Variants in RCC1 observed in about 807,000 individuals in gnomAD.
RCC1 encodes regulator of chromosome condensation.
RCC1 carries 11 observed loss-of-function variants against 44.4 expected under a neutral mutation model. The ratio of observed to expected loss-of-function variants is 0.25; its 90% CI spans 0.16 to 0.41. RCC1 has a LOEUF of 0.41. RCC1 is among the 10% of genes least tolerant of loss of function. The pLI is 1.00. For synonymous variants in RCC1, 213 were observed against 216.5 expected (o/e 0.98, Z 0.14); for missense variants, 386 against 547.1 (o/e 0.71, Z 2.94).
intron 7 of RCC1, among the ~76,000 whole-genome samples, chr1:28,533,458 G>A (rs1209431551): frequency 1.6e-4 from 21 of 133,696 alleles, no homozygotes; most frequent in African/African-American, 5.7e-4. Flanking sequence ...GGGACAGAGC[G>A]AGACTCCATC....
In RCC1 at chr1:28,536,257, C is replaced by A; in HGVS notation, c.818-5C>A. 6.2e-7 allele frequency: 1 copy of A among 1,613,722 alleles called. No individual in the cohort carries two copies. Among genetic ancestry groups the A allele is most frequent in the Non-Finnish European group, 8.5e-7 (1 of 1,179,794 alleles). ...CACCCCTGATGGCTCCGGCCTTTCC[C>A]CCAGGAACTCCGGGCACAGAATCTT... On this transcript the variant is annotated splice_region_variant and splice_polypyrimidine_tract_variant and intron_variant, in intron 10 of 12. Transcript: ENST00000683442. This position sits in a 1 kb window ranked among gnomAD's most constrained non-coding sequence, Gnocchi z 4.9.
chr1:28,507,186 T>G (rs1310071334), intron 1 of RCC1: 6 of 360,658 alleles, frequency 1.7e-5, no homozygotes, highest in Non-Finnish European at 2.8e-5. Flanking sequence ...AACCGCCTAT[T>G]GTAAAGTAAT....
intron 4 of RCC1, chr1:28,527,024 G>A (rs961981176): frequency 4.4e-5 from 36 of 819,880 alleles, no homozygotes; most frequent in Admixed American, 3.2e-4. Flanking sequence ...AAAATAGGGC[G>A]CATGCTGGGT....
intron 5 of RCC1, chr1:28,530,751 G>A (rs1403664579): frequency 1.7e-5 from 11 of 632,346 alleles, no homozygotes; most frequent in Admixed American, 3.2e-5. Context: ...CCCACAGAGA[G>A]CCCCGGGCGC....
chr1:28,511,917 G>C (rs1257379734), intron 3 of RCC1, among the ~76,000 whole-genome samples: 1 of 150,880 alleles, frequency 6.6e-6, no homozygotes, highest in Non-Finnish European at 1.5e-5. Context: ...ACCTGCCTCA[G>C]CATCCCAAAG....
At position 28,536,162 on chromosome 1, in the gene RCC1, T is replaced by C. The variant is rs1490750258; in HGVS notation, c.818-100T>C. The C allele has an allele frequency of 2.6e-6, 4 of 1,548,732 alleles. No individual in the cohort carries two copies. The highest frequency in any genetic ancestry group is 3.8e-5 in the Admixed American group (2 of 52,688). ...AGTTTTGTCATCTGTAAAGTGAGAA[T>C]GTCCATATCCTGATGGGAGGTGGCC... On this transcript the variant is annotated intron_variant, in intron 10 of 12. Coordinates refer to ENST00000683442, the MANE Select transcript of RCC1 (RefSeq NM_001381865.2). This position sits in a 1 kb window ranked among gnomAD's most constrained non-coding sequence, Gnocchi z 4.9.
At chr1:28,523,561 A>G (rs1260852880) in intron 4 of RCC1, among the ~76,000 whole-genome samples, 2 of 152,146 alleles carry the variant, frequency 1.3e-5, no homozygotes, top group Non-Finnish European at 2.9e-5. Context: ...TTTTTTGGTT[A>G]ATGCCCCATG....
intron 4 of RCC1, among the ~76,000 whole-genome samples, chr1:28,521,885 T>TC (rs1315158333): frequency 6.6e-6 from 1 of 152,222 alleles, no homozygotes; most frequent in Non-Finnish European, 1.5e-5. Context: ...TCAGAATCAG[T>TC]CAGATAGGCC....
Position 28,537,472 on chromosome 1 carries a change from T to C in RCC1, c.1091-360T>C, listed in dbSNP as rs1664625234. 2.0e-5 allele frequency among the ~76,000 whole-genome samples: 3 copies of C among 152,274 alleles called. No individual in the cohort carries two copies. In the South Asian group the frequency reaches 6.2e-4, roughly 32 times the overall value. ...CTTCCTCAGGAAGTGGGGCTTGCACTGTACCTTGAAGGTTCCATTCCTTGT... is the reference window on the plus strand; with the variant it reads ...CTTCCTCAGGAAGTGGGGCTTGCACCGTACCTTGAAGGTTCCATTCCTTGT... On this transcript the variant is annotated intron_variant, in intron 12 of 12. Coordinates refer to ENST00000683442, the MANE Select transcript of RCC1 (RefSeq NM_001381865.2).
chr1:28,530,654 C>T, intron 5 of RCC1: 1 of 1,535,460 alleles, frequency 6.5e-7, no homozygotes, highest in Non-Finnish European at 8.8e-7. Flanking sequence ...GCTGCCAGCG[C>T]GGGCTCCTCA....
At chr1:28,531,659 C>A (rs1210283423) in intron 5 of RCC1, 144 bp from the exon 6 acceptor site, 1 of 552,060 alleles carries the variant, frequency 1.8e-6, no homozygotes, top group Non-Finnish European at 2.9e-6. Flanking sequence ...CCCCATTTCA[C>A]AGATGACAAA....
At chr1:28,534,526 C>G (rs1396303723) in intron 7 of RCC1, among the ~76,000 whole-genome samples, 2 of 152,138 alleles carry the variant, frequency 1.3e-5, no homozygotes, top group Admixed American at 6.6e-5. Context: ...GTCACCCAGG[C>G]CAGAGTGCAA....
chr1:28,524,151 T>C (rs1207401691), intron 4 of RCC1, among the ~76,000 whole-genome samples: 2 of 152,176 alleles, frequency 1.3e-5, no homozygotes, highest in Non-Finnish European at 1.5e-5. Context: ...CCCTACCCCA[T>C]CTAACTTTGC....
chr1:28,531,255 T>TTTAA (rs1487055392), intron 5 of RCC1, among the ~76,000 whole-genome samples: 2 of 137,228 alleles, frequency 1.5e-5, no homozygotes, highest in African/African-American at 5.4e-5. Flanking sequence ...ATTAGCTTTC[T>TTTAA]TTTCTTTTTC....
rs543220275 is a variant in RCC1 at position 28,529,141 on chromosome 1, C to G, written c.-9-717C>G. 4.1e-5 allele frequency among the ~76,000 whole-genome samples: 6 copies of G among 145,962 alleles called. No homozygotes were observed. In the South Asian group the frequency reaches 1.3e-3, roughly 32 times the overall value. ...CCACCCACCTTGGCCTCCGAAAGTG[C>G]CAAAGTACTGGGATTACAGGCGTGA... On this transcript the variant is annotated intron_variant, in intron 4 of 12. Transcript: ENST00000683442.
At chr1:28,507,410 C>T (rs754258273) in intron 1 of RCC1, 4 of 518,944 alleles carry the variant, frequency 7.7e-6, no homozygotes, top group South Asian at 5.6e-5. Flanking sequence ...GGGCTCTGTC[C>T]AAGTGGCGTA....
intron 1 of RCC1, chr1:28,506,535 C>G (rs2124586951): frequency 4.1e-6 from 1 of 242,896 alleles, no homozygotes; most frequent in East Asian, 1.3e-4. Context: ...CGGCATCGGT[C>G]CCAACTCTAA....
At chr1:28,520,798 C>T (rs1203325655) in intron 4 of RCC1, among the ~76,000 whole-genome samples, 1 of 152,124 alleles carries the variant, frequency 6.6e-6, no homozygotes, top group Non-Finnish European at 1.5e-5. Flanking sequence ...GCCAGAGAGG[C>T]CGGGCTCGGT....
chr1:28,533,354 C>T (rs1025103937), intron 7 of RCC1, among the ~76,000 whole-genome samples: 1 of 151,716 alleles, frequency 6.6e-6, no homozygotes, highest in Non-Finnish European at 1.5e-5. Context: ...GCCTGTAGTC[C>T]CAGCTACTCG....
Sources: gnomAD v4.1 joint callset for allele counts (sites outside exome capture counted in the v4.1 genomes callset) on GRCh38, gnomAD v4.1.1 for gene constraint, Gnocchi (gnomAD v3.1) non-coding constraint, MANE v1.5 for transcripts, NCBI Gene and HGNC (gene_info 2026-07-23, HGNC 2026-07-21) for gene names.